TRIM39: variants seen among roughly 807,000 people sequenced by gnomAD.
TRIM39 encodes the protein tripartite motif containing 39.
In TRIM39, 5 loss-of-function variants were observed where a neutral mutation model predicts 53.6. The ratio of observed to expected loss-of-function variants is 0.09; its 90% CI spans 0.05 to 0.20. The LOEUF (loss-of-function observed/expected upper bound fraction) is 0.20. TRIM39 is among the 10% of genes least tolerant of loss of function. TRIM39 has a pLI of 1.00. For missense variants in TRIM39, 310 were observed against 621.0 expected, an observed-to-expected ratio of 0.50 and a Z score of 5.32; for synonymous variants, 196 against 237.6, an observed-to-expected ratio of 0.82 and a Z score of 1.61.
chr6:30,330,718 T>C lies in TRIM39; in HGVS notation c.454-63T>C, dbSNP rs115156109. The C allele has an allele frequency of 1.1e-3, 1,760 of 1,554,196 alleles. 31 individuals are homozygous for C. The African/African-American group carries it at 0.022, about 19-fold the overall frequency. ...GGTTTAAAACAAATGGTTTAATCTC[T>C]GAATGGTAGGTATACCAGTCAACCC... On this transcript the variant is annotated intron_variant, in intron 3 of 7. Coordinates refer to ENST00000396551, the Ensembl canonical transcript of TRIM39.
chr6:30,333,100 C>T (rs1403008706), intron 4 of TRIM39, among the ~76,000 whole-genome samples: 2 of 152,096 alleles, frequency 1.3e-5, no homozygotes, highest in Non-Finnish European at 2.9e-5. Context: ...TTATCAGCAA[C>T]GCCATAAATA....
At chr6:30,336,103 T>A in intron 5 of TRIM39, 128 bp downstream of exon 5, 1 of 1,403,446 alleles carries the variant, frequency 7.1e-7, no homozygotes, top group Non-Finnish European at 9.8e-7. Flanking sequence ...TTCTGCCAGG[T>A]GTACTCAAAG....
exon 3 of TRIM39, chr6:30,329,731 C>T: frequency 6.2e-7 from 1 of 1,613,046 alleles, no homozygotes; most frequent in South Asian, 1.1e-5. Context: ...ACCGGGCCCA[C>T]ACCGTTGTGC....
intron 5 of TRIM39, 43 bp downstream of exon 5, chr6:30,336,018 C>T (rs573069455): frequency 5.6e-6 from 9 of 1,606,660 alleles, no homozygotes; most frequent in South Asian, 1.1e-5. Context: ...CTGAGTGCAG[C>T]GTAGCTTTGC....
chr6:30,336,983 C>T (rs1034761866), intron 5 of TRIM39, among the ~76,000 whole-genome samples: 6 of 152,184 alleles, frequency 3.9e-5, no homozygotes, highest in African/African-American at 9.7e-5. Flanking sequence ...TGTTAGCGGA[C>T]GTGAAAACAA....
Position 30,335,732 on chromosome 6 carries a change from C to T in TRIM39, c.550-13C>T, listed in dbSNP as rs1786772412. 2 of 1,611,570 alleles carry T rather than the reference C, an allele frequency of 1.2e-6. No homozygotes were observed. The highest frequency in any genetic ancestry group is 1.1e-5 in the South Asian group (1 of 90,768). On this transcript the variant is annotated splice_polypyrimidine_tract_variant and intron_variant, in intron 4 of 7. Transcript: ENST00000396551. The surrounding 1 kb of genome is among the most constrained non-coding windows in gnomAD (Gnocchi z 4.7). The stretch of plus-strand genomic sequence containing the variant: ...CTGACCCTGCTGATACAACATCTTC[C>T]CTCTCTTCTCAGAGACTAGTGGAAA...
chr6:30,330,611 TGTAGAAA>T (rs1786028666), intron 3 of TRIM39, among the ~76,000 whole-genome samples, 163 bp from the exon 4 acceptor site: 1 of 152,108 alleles, frequency 6.6e-6, no homozygotes, highest in Non-Finnish European at 1.5e-5. Flanking sequence ...GAGGAGGGAC[TGTAGAAA>T]GTTGACATCC....
chr6:30,329,765 T>C, exon 3 of TRIM39: 4 of 1,610,180 alleles, frequency 2.5e-6, no homozygotes, highest in Non-Finnish European at 3.4e-6. Flanking sequence ...TACACAGGAG[T>C]ACAAGGTGGG....
chr6:30,342,698 T>G lies in TRIM39; in HGVS notation c.*439T>G. On this transcript the variant is annotated 3_prime_UTR_variant, in exon 8 of 8. Transcript: ENST00000396551. The surrounding 1 kb of genome is among the most constrained non-coding windows in gnomAD (Gnocchi z 4.7). Reference sequence around the variant, plus strand: ...TTGAGGTAGATCACAGGGGTCTGTGTACCTCTGAATTCATGAGAGATGAAT... The same window carrying G: ...TTGAGGTAGATCACAGGGGTCTGTGGACCTCTGAATTCATGAGAGATGAAT... 1 of 208,632 alleles carries G rather than the reference T, an allele frequency of 4.8e-6. No homozygotes were observed. Among genetic ancestry groups the G allele is most frequent in the Non-Finnish European group, 9.6e-6 (1 of 103,728 alleles). The allele number at this position is 208,632 out of a possible 1,614,324, so 12.9% of individuals were successfully genotyped here.
exon 3 of TRIM39, chr6:30,329,674 T>C (rs1371300336): frequency 1.2e-6 from 2 of 1,613,004 alleles, no homozygotes; most frequent in African/African-American, 1.3e-5. Flanking sequence ...TTTTCTGTTA[T>C]GAGGACCAGG....
chr6:30,336,261 A>C (rs989278978), intron 5 of TRIM39: 1 of 661,808 alleles, frequency 1.5e-6, no homozygotes, highest in South Asian at 1.5e-5. Context: ...GTTAGTGAAA[A>C]ACTATGCATT....
chr6:30,333,973 A>G (rs572401370), intron 4 of TRIM39, among the ~76,000 whole-genome samples: 1 of 152,278 alleles, frequency 6.6e-6, no homozygotes, highest in African/African-American at 2.4e-5. Context: ...ACCTAAACAA[A>G]CACACATGCA....
intron 3 of TRIM39, 101 bp downstream of exon 3, chr6:30,329,871 T>C (rs1398878553): frequency 1.4e-6 from 2 of 1,452,770 alleles, no homozygotes; most frequent in Non-Finnish European, 1.8e-6. Flanking sequence ...ACTACTCACT[T>C]TGTATTCTCA....
chr6:30,327,362 C>T (rs1423801922), intron 1 of TRIM39: 1 of 154,374 alleles, frequency 6.5e-6, no homozygotes, highest in Non-Finnish European at 1.4e-5. Flanking sequence ...TCCTCTTTCC[C>T]CTCTCCAATG....
intron 4 of TRIM39, among the ~76,000 whole-genome samples, chr6:30,331,975 A>C (rs1460636112): frequency 6.6e-6 from 1 of 152,218 alleles, no homozygotes. Context: ...CTTAGAGTTC[A>C]GGCCAAATTG....
Position 30,341,527 on chromosome 6 carries a change from A to G in TRIM39, c.920-185A>G, listed in dbSNP as rs558229633. 6 of 888,094 alleles carry G rather than the reference A, an allele frequency of 6.8e-6. No individual in the cohort carries two copies. In the East Asian group the frequency reaches 1.3e-4, roughly 20 times the overall value. 55.0% of individuals were successfully genotyped at this position (888,094 alleles called of 1,614,324 possible). ...ATCTGTTTACTTTAGGGTCAGGGTG[A>G]GAAGTGAGCCATTGCTTTCTCCCCT... On this transcript the variant is annotated intron_variant, in intron 7 of 7. Transcript: ENST00000396551.
At chr6:30,329,814 A>G (rs1281794908) in intron 3 of TRIM39, 44 bp downstream of exon 3, 1 of 1,586,230 alleles carries the variant, frequency 6.3e-7, no homozygotes, top group Admixed American at 1.7e-5. Flanking sequence ...AAAAAGGGAG[A>G]AGCGGCAGAG....
chr6:30,340,337 T>G lies in TRIM39; in HGVS notation c.804-168T>G, dbSNP rs778908782. On this transcript the variant is annotated intron_variant, in intron 6 of 7. Coordinates refer to ENST00000396551, the Ensembl canonical transcript of TRIM39. Reference sequence around the variant, plus strand: ...TGTCCACGGGATCATAAGGCTCTCCTTGGATTAGTAAAAGAAATCAACAGG... The same window carrying G: ...TGTCCACGGGATCATAAGGCTCTCCGTGGATTAGTAAAAGAAATCAACAGG... 3 of 1,612,982 alleles carry G rather than the reference T, an allele frequency of 1.9e-6. No homozygotes were observed. The East Asian group carries it at 6.7e-5, about 36-fold the overall frequency.
intron 1 of TRIM39, among the ~76,000 whole-genome samples, chr6:30,327,955 TTTCC>T (rs1785595953): frequency 6.6e-6 from 1 of 152,222 alleles, no homozygotes; most frequent in Admixed American, 6.5e-5. Context: ...ATCTACCAAA[TTTCC>T]TTCCTTCCAG....
Sources: gnomAD v4.1 joint callset for allele counts (sites outside exome capture counted in the v4.1 genomes callset) on GRCh38, gnomAD v4.1.1 for gene constraint, Gnocchi (gnomAD v3.1) non-coding constraint, MANE v1.5 for transcripts, NCBI Gene and HGNC (gene_info 2026-07-23, HGNC 2026-07-21) for gene names.